The following ZNF717 variants were observed in gnomAD, a reference collection of about 807,000 sequenced individuals.
ZNF717 encodes zinc finger protein 717.
Under a neutral mutation model 13.8 loss-of-function variants are expected in ZNF717, and 9 were observed. The observed-to-expected ratio is 0.65, with a 90% confidence interval of 0.39 to 1.14. The LOEUF (loss-of-function observed/expected upper bound fraction) is 1.14, where lower values mean the gene tolerates loss of function less well. Among genes scored for constraint, ZNF717 ranks in the 50% most tolerant of loss-of-function variants. ZNF717 has a pLI of 0.01. For synonymous variants in ZNF717, 327 were observed against 364.1 expected (o/e 0.90, Z 1.16); for missense variants, 1,040 against 1,080.7 (o/e 0.96, Z 0.53).
chr3:75,766,320 T>C (rs1241981455), intron 2 of ZNF717, among the ~76,000 whole-genome samples: 4 of 150,250 alleles, frequency 2.7e-5, no homozygotes, highest in African/African-American at 4.9e-5. Context: ...AAATATGCTA[T>C]GCAGACACTA....
intron 6 of ZNF717, among the ~76,000 whole-genome samples, chr3:75,704,533 C>G: frequency 6.6e-6 from 1 of 152,304 alleles, no homozygotes; most frequent in African/African-American, 2.4e-5. Context: ...AGACTCAGCC[C>G]CAAAAGTTAG....
downstream of ZNF717, among the ~76,000 whole-genome samples, chr3:75,727,295 CA>C (rs1434492052): frequency 1.4e-5 from 2 of 140,596 alleles, no homozygotes; most frequent in Non-Finnish European, 3.1e-5. Flanking sequence ...AATATGAAAT[CA>C]GTGCACCCTG....
chr3:75,723,734 C>G (rs76072347), intron 4 of ZNF717, among the ~76,000 whole-genome samples: 1 of 139,268 alleles, frequency 7.2e-6, no homozygotes, highest in Non-Finnish European at 1.6e-5. Context: ...CCTGGGAAGA[C>G]GCCTGTTACT....
intron 2 of ZNF717, among the ~76,000 whole-genome samples, chr3:75,743,778 T>C (rs1940773316): frequency 6.6e-6 from 1 of 152,258 alleles, no homozygotes; most frequent in African/African-American, 2.4e-5. Context: ...TTCCAAGTTA[T>C]CTGTCATCAT....
chr3:75,764,987 A>G (rs1455406386), intron 2 of ZNF717, among the ~76,000 whole-genome samples: 17 of 120,776 alleles, frequency 1.4e-4, no homozygotes, highest in African/African-American at 5.5e-4. Context: ...GGATAAACAA[A>G]AGGATATATA....
At chr3:75,783,681 T>C (rs1426190786) in intron 1 of ZNF717, among the ~76,000 whole-genome samples, 1 of 152,216 alleles carries the variant, frequency 6.6e-6, no homozygotes, top group Non-Finnish European at 1.5e-5. Flanking sequence ...AAAGAAACAT[T>C]ATAAGTTCAC....
At chr3:75,776,059 A>G (rs186912982) in intron 2 of ZNF717, among the ~76,000 whole-genome samples, 140 of 152,382 alleles carry the variant, frequency 9.2e-4, no homozygotes, top group Non-Finnish European at 1.5e-3. Flanking sequence ...TTCAGTTACC[A>G]GTGCCATGCA....
At chr3:75,739,406 G>T in intron 4 of ZNF717, 61 bp from the exon 5 acceptor site, 1 of 1,322,388 alleles carries the variant, frequency 7.6e-7, no homozygotes, top group Non-Finnish European at 9.7e-7. Flanking sequence ...GAATGCTTGT[G>T]TAAAGGTAAA....
In ZNF717 at chr3:75,741,222, A is replaced by C. The variant is rs1393381455; in HGVS notation, c.277+54T>G. The C allele has an allele frequency of 2.7e-5, 30 of 1,093,240 alleles. 1 individual carries two copies. The highest frequency in any genetic ancestry group is 2.0e-4 in the Middle Eastern group (1 of 4,882). The allele number at this position is 1,093,240 out of a possible 1,614,324, so 67.7% of individuals were successfully genotyped here. On this transcript the variant is annotated intron_variant, in intron 4 of 4. Transcript: ENST00000652011. ...GGTGAAAACAAGATAACACTACAAA[A>C]ATTTGCTGGGCATTACTCCTCCAGG... is the stretch of plus-strand genomic sequence containing the variant.
chr3:75,779,971 A>T (rs1944678969), intron 2 of ZNF717, among the ~76,000 whole-genome samples: 1 of 151,678 alleles, frequency 6.6e-6, no homozygotes, highest in Non-Finnish European at 1.5e-5. Flanking sequence ...CTAAACAGGA[A>T]CCCAAAACAA....
At chr3:75,707,742 C>A (rs1282596520), downstream of ZNF717, among the ~76,000 whole-genome samples, 3 of 152,186 alleles carry the variant, frequency 2.0e-5, no homozygotes, top group Non-Finnish European at 2.9e-5. Flanking sequence ...AATCGGGTCA[C>A]TCCCACCCTA....
At chr3:75,771,819 A>C (rs1373670524) in intron 2 of ZNF717, among the ~76,000 whole-genome samples, 1 of 152,230 alleles carries the variant, frequency 6.6e-6, no homozygotes, top group Non-Finnish European at 1.5e-5. Context: ...GCACTCTCAG[A>C]GGCCCAGCAA....
At chr3:75,724,234 T>G (rs1694126936) in intron 4 of ZNF717, among the ~76,000 whole-genome samples, 1 of 151,976 alleles carries the variant, frequency 6.6e-6, no homozygotes, top group Non-Finnish European at 1.5e-5. Flanking sequence ...TCTGGGCCAC[T>G]ACTAGTCTCC....
chr3:75,737,488 A>G lies in ZNF717; in HGVS notation c.2135T>C (p.Phe712Ser), dbSNP rs1394010356. The change falls in exon 5 of 5, where the codon TTC becomes TCC. Residue 712 changes from phenylalanine (F) to serine (S), a missense_variant. Physicochemically the swap from Phe to Ser is radical, Grantham distance 155. Transcript: ENST00000652011. ...PMNVMNVENPFIRRQIFRSIK... is the reference protein window; with the variant it reads ...PMNVMNVENPSIRRQIFRSIK... The stretch of plus-strand genomic sequence containing the variant: ...GCTTCTGAAGATTTGCCTTCTGATG[A>G]AAGGATTTTCCACATTCATTACATT... 7 of 1,554,482 alleles carry G rather than the reference A, an allele frequency of 4.5e-6. No homozygotes were observed.
intron 1 of ZNF717, among the ~76,000 whole-genome samples, chr3:75,783,572 G>C (rs899492486): frequency 6.6e-6 from 1 of 152,106 alleles, no homozygotes; most frequent in African/African-American, 2.4e-5. Context: ...TACATTAATT[G>C]GTAGACATTA....
In ZNF717 at chr3:75,717,888, G is replaced by A. The variant is rs1226770201; in HGVS notation, n.545-1347C>T. Among the ~76,000 whole-genome samples the A allele has an allele frequency of 2.6e-5, 4 of 152,146 alleles. No individual in the cohort carries two copies. The East Asian group carries it at 5.8e-4, about 22-fold the overall frequency. On this transcript the variant is annotated intron_variant and non_coding_transcript_variant, in intron 4 of 5. Coordinates refer to the ZNF717 transcript ENST00000491507. ...CAGGCACCAGTTCCTCCTAAATATG[G>A]ATGATTCACCACGTCTCAGTGTGGG...
chr3:75,730,357 A>ATG (rs1381903715), exon 6 of ZNF717: 1 of 359,966 alleles, frequency 2.8e-6, no homozygotes. Context: ...AATAGTTAAA[A>ATG]AAAAAAAAAG....
intron 4 of ZNF717, among the ~76,000 whole-genome samples, chr3:75,717,984 G>C (rs1938091790): frequency 6.6e-6 from 1 of 152,196 alleles, no homozygotes; most frequent in South Asian, 2.1e-4. Flanking sequence ...ATCCCAAGGA[G>C]ACTGGAAGCA....
chr3:75,728,455 G>A (rs1428428139), downstream of ZNF717, among the ~76,000 whole-genome samples: 4 of 152,212 alleles, frequency 2.6e-5, no homozygotes, highest in Admixed American at 6.5e-5. Flanking sequence ...GGGGTAAGGG[G>A]AAAACATTCA....
Sources: gnomAD v4.1 joint callset for allele counts (sites outside exome capture counted in the v4.1 genomes callset) on GRCh38, gnomAD v4.1.1 for gene constraint, MANE v1.5 for transcripts, NCBI Gene and HGNC (gene_info 2026-07-23, HGNC 2026-07-21) for gene names.